Variants in ABCC11 observed in about 807,000 individuals in gnomAD.
ABCC11 encodes ATP binding cassette subfamily C member 11, also known as ATP-binding cassette sub-family C member 11.
A neutral mutation model predicts 149.3 loss-of-function variants in ABCC11; 135 were observed. The observed-to-expected ratio is 0.90, with a 90% CI of 0.79 to 1.04. ABCC11 has a LOEUF of 1.04. Ranked by LOEUF, ABCC11 falls within the 50% of genes least tolerant of loss-of-function variation. The probability of loss-of-function intolerance (pLI) is 0.00; values close to 1 mark genes in which losing one functional copy is unlikely to be tolerated. For missense variants in ABCC11, 1,680 were observed against 1,722.1 expected (o/e 0.98, Z 0.43); for synonymous variants, 665 against 671.4 (o/e 0.99, Z 0.15).
rs184161966 is a variant in ABCC11 at position 48,224,964 on chromosome 16, A to C, written c.396-535T>G. Among the ~76,000 whole-genome samples the C allele has an allele frequency of 2.0e-3, 301 of 152,162 alleles. 2 individuals are homozygous for C. The highest frequency in any genetic ancestry group is 6.7e-3 in the African/African-American group (280 of 41,492). ...CTTGAACCCAGGAGGCAGAAGTTGCAGTAAGCCGAGATCATGCCACTGCAC... is the reference window on the plus strand; with the variant it reads ...CTTGAACCCAGGAGGCAGAAGTTGCCGTAAGCCGAGATCATGCCACTGCAC... On this transcript the variant is annotated intron_variant, in intron 4 of 29. Transcript: ENST00000356608.
At chr16:48,171,103 T>C in intron 26 of ABCC11, 136 bp from the exon 27 acceptor site, 1 of 815,982 alleles carries the variant, frequency 1.2e-6, no homozygotes, top group Non-Finnish European at 2.0e-6. Context: ...CCACCACAAA[T>C]GGAGATTTTT....
chr16:48,231,948 C>T lies in ABCC11; in HGVS notation c.-18-9G>A. ...TTCAGTTCCTGCCAATTCTTCGTTT[C>T]CCAGAATCAGAGAATATGAAAAGAC... On this transcript the variant is annotated splice_polypyrimidine_tract_variant and intron_variant, in intron 1 of 29. Transcript: ENST00000356608. The T allele has an allele frequency of 6.2e-7, 1 of 1,613,622 alleles. No homozygotes were observed. Among genetic ancestry groups the T allele is most frequent in the South Asian group, 1.1e-5 (1 of 91,042 alleles).
chr16:48,232,014 C>G, intron 1 of ABCC11, 75 bp from the exon 2 acceptor site: 1 of 1,591,790 alleles, frequency 6.3e-7, no homozygotes. Context: ...CTTGAGCAGC[C>G]AGAAGAGGGG....
At chr16:48,242,119 T>A (rs112624830) in intron 1 of ABCC11, among the ~76,000 whole-genome samples, 19,897 of 152,070 alleles carry the variant, frequency 0.13, 1,613 homozygotes, top group African/African-American at 0.23. Flanking sequence ...ACCTACAGAA[T>A]GGAAGAAAAT....
intron 17 of ABCC11, among the ~76,000 whole-genome samples, chr16:48,197,222 G>A (rs1269681468): frequency 6.6e-6 from 1 of 152,136 alleles, no homozygotes; most frequent in Admixed American, 6.5e-5. Context: ...TACTTGGGAG[G>A]CTGAGGTACA....
chr16:48,170,777 C>T, intron 27 of ABCC11, 112 bp downstream of exon 27: 1 of 985,566 alleles, frequency 1.0e-6, no homozygotes, highest in Non-Finnish European at 1.6e-6. Context: ...GATGATGCAT[C>T]CATGACCCGA....
chr16:48,209,750 G>A (rs1968756636), intron 11 of ABCC11: 1 of 152,148 alleles, frequency 6.6e-6, no homozygotes, highest in African/African-American at 2.4e-5. Flanking sequence ...CACTCTATCG[G>A]GTCACGGGTG....
chr16:48,166,981 A>C lies in ABCC11; in HGVS notation c.*293T>G. On this transcript the variant is annotated 3_prime_UTR_variant, in exon 30 of 30. Transcript: ENST00000356608. ...CAACACTTCTAACACAGATCAGAAA[A>C]CTATAAGCTTTTACCTTATTATAAA... is the stretch of plus-strand genomic sequence containing the variant. The C allele has an allele frequency of 2.7e-6, 1 of 375,672 alleles. No individual in the cohort carries two copies. Among genetic ancestry groups the C allele is most frequent in the Non-Finnish European group, 4.9e-6 (1 of 204,806 alleles). The allele number at this position is 375,672 out of a possible 1,614,324, so 23.3% of individuals were successfully genotyped here.
intron 10 of ABCC11, among the ~76,000 whole-genome samples, chr16:48,212,787 T>C (rs145892649): frequency 7.7e-4 from 118 of 152,348 alleles, no homozygotes; most frequent in Non-Finnish European, 1.4e-3. Context: ...TGCATGTATG[T>C]AAAAGTGGAG....
chr16:48,174,524 T>C (rs1567475916), intron 26 of ABCC11, among the ~76,000 whole-genome samples: 2 of 152,222 alleles, frequency 1.3e-5, no homozygotes, highest in Non-Finnish European at 2.9e-5. Context: ...TAAAGCTTTG[T>C]CCCTGAGTTG....
chr16:48,216,802 G>A (rs1320759047), intron 6 of ABCC11, among the ~76,000 whole-genome samples: 1 of 152,156 alleles, frequency 6.6e-6, no homozygotes, highest in East Asian at 1.9e-4. Flanking sequence ...ACTAGAGTCT[G>A]TACAGAACCA....
intron 6 of ABCC11, among the ~76,000 whole-genome samples, chr16:48,218,122 C>A (rs1969473029): frequency 6.6e-6 from 1 of 152,040 alleles, no homozygotes; most frequent in African/African-American, 2.4e-5. Flanking sequence ...CATAGCAAGA[C>A]CCCATCTCTA....
At chr16:48,206,925 A>C (rs551306788) in intron 12 of ABCC11, among the ~76,000 whole-genome samples, 1 of 152,356 alleles carries the variant, frequency 6.6e-6, no homozygotes, top group Admixed American at 6.5e-5. Context: ...CTTCGCATGT[A>C]AGTACTGAAG....
At chr16:48,175,515 G>A (rs963414629) in intron 25 of ABCC11, 98 bp from the exon 26 acceptor site, 4 of 1,385,942 alleles carry the variant, frequency 2.9e-6, no homozygotes, top group East Asian at 2.5e-5. Flanking sequence ...GCTGCCCTCC[G>A]TGGCCCATTC....
intron 26 of ABCC11, among the ~76,000 whole-genome samples, chr16:48,171,472 G>A (rs1050554201): frequency 1.2e-4 from 19 of 152,178 alleles, no homozygotes; most frequent in African/African-American, 4.6e-4. Context: ...CCGGGCCCTG[G>A]AACTCAGCCT....
intron 4 of ABCC11, among the ~76,000 whole-genome samples, chr16:48,224,893 T>C (rs1455776059): frequency 2.0e-5 from 3 of 152,058 alleles, no homozygotes; most frequent in Non-Finnish European, 4.4e-5. Flanking sequence ...CACGGTGGCA[T>C]GCGCCTGTAA....
At chr16:48,186,603 G>A (rs571637776) in intron 22 of ABCC11, among the ~76,000 whole-genome samples, 2 of 152,136 alleles carry the variant, frequency 1.3e-5, no homozygotes, top group African/African-American at 4.8e-5. Flanking sequence ...TCATTATTTT[G>A]TTAAAGATAG....
rs779781211 is a variant in ABCC11 at position 48,187,353 on chromosome 16, CAAGTCCCCTGCG to C, written c.2769_2780del (p.Phe923_Asp926del). 38 of 1,614,150 alleles carry C rather than the reference CAAGTCCCCTGCG, an allele frequency of 2.4e-5. No homozygotes were observed. The highest frequency in any genetic ancestry group is 3.2e-5 in the Non-Finnish European group (38 of 1,180,020). ...TGGGCAAGAGCTGGTCCAGCTGTTC[CAAGTCCCCTGCG>C]AAGCAGTTCAAAAGCCGGCCTATTG... is the stretch of plus-strand genomic sequence containing the variant. On this transcript the variant is annotated inframe_deletion, in exon 21 of 30. Coordinates refer to ENST00000356608, the MANE Select transcript of ABCC11 (RefSeq NM_001370497.1).
rs1225163888 is a variant in ABCC11, at chr16:48,211,000, T to G, written c.1556A>C (p.Glu519Ala). Residue 519 changes from glutamate (E) to alanine (A), a missense_variant, in exon 11 of 30, where the codon GAA (glutamate) becomes GCA (alanine). Coordinates refer to ENST00000356608, the MANE Select transcript of ABCC11 (RefSeq NM_001370497.1). ...RPRDALGPEE[E>A]GNSLGPELHK... ...CAACTCTGGGCCCAGGCTGTTCCCT[T>G]CTTCCTCTGGCCCGAGGGCATCTCT... The G allele has an allele frequency of 1.2e-6, 2 of 1,614,096 alleles. No individual in the cohort carries two copies. Among genetic ancestry groups the G allele is most frequent in the Non-Finnish European group, 1.7e-6 (2 of 1,180,040 alleles).
Sources: allele counts gnomAD v4.1 joint callset (sites outside exome capture counted in the v4.1 genomes callset), GRCh38; gene constraint gnomAD v4.1.1; transcripts MANE v1.5; gene names NCBI Gene and HGNC (gene_info 2026-07-23, HGNC 2026-07-21).